Variants in IMMP2L observed in about 807,000 individuals in gnomAD.
IMMP2L encodes mitochondrial inner membrane protease subunit 2.
Under a neutral mutation model 19.3 loss-of-function variants are expected in IMMP2L, and 18 were observed. The observed-to-expected ratio is 0.93, with a 90% confidence interval of 0.64 to 1.38. The LOEUF (loss-of-function observed/expected upper bound fraction) is 1.38. IMMP2L is among the 40% of genes most tolerant of loss of function. The pLI is 0.00. For synonymous variants in IMMP2L, 76 were observed against 73.0 expected (o/e 1.04, Z -0.21); for missense variants, 233 against 218.2 (o/e 1.07, Z -0.43).
intron 3 of IMMP2L, among the ~76,000 whole-genome samples, chr7:111,262,898 A>G (rs763665226): frequency 6.6e-6 from 1 of 152,070 alleles, no homozygotes; most frequent in South Asian, 2.1e-4. Context: ...TTTGACATTA[A>G]TTAATAGAGT....
intron 3 of IMMP2L, among the ~76,000 whole-genome samples, chr7:111,109,944 A>T (rs1799004204): frequency 6.6e-6 from 1 of 152,098 alleles, no homozygotes; most frequent in Non-Finnish European, 1.5e-5. Context: ...GACCGGCCTG[A>T]TCAATATGGT....
At chr7:111,516,879 G>C (rs1018525601) in intron 2 of IMMP2L, among the ~76,000 whole-genome samples, 8 of 152,074 alleles carry the variant, frequency 5.3e-5, no homozygotes, top group Non-Finnish European at 1.0e-4. Context: ...ACCAAGGTGA[G>C]TGACGACACA....
At chr7:111,310,171 G>C (rs1823352702) in intron 3 of IMMP2L, among the ~76,000 whole-genome samples, 1 of 150,566 alleles carries the variant, frequency 6.6e-6, no homozygotes, top group African/African-American at 2.4e-5. Context: ...GGAGGTGGAG[G>C]TTGCAGTGAG....
Position 111,184,234 on chromosome 7 carries a change from G to A in IMMP2L, c.240-220669C>T, listed in dbSNP as rs182366808. 1.5e-3 allele frequency among the ~76,000 whole-genome samples: 227 copies of A among 151,844 alleles called. 1 individual carries two copies. The highest frequency in any genetic ancestry group is 0.014 in the Middle Eastern group (4 of 292). On this transcript the variant is annotated intron_variant, in intron 3 of 5. Coordinates refer to ENST00000405709, the MANE Select transcript of IMMP2L (RefSeq NM_032549.4). ...TCATAAGAATCAAAGAGAAATAGGG[G>A]GGAAAATAATGGAAATGAGTCAATA... is the stretch of plus-strand genomic sequence containing the variant.
At chr7:110,891,285 C>T (rs1236440410) in intron 4 of IMMP2L, among the ~76,000 whole-genome samples, 1 of 149,798 alleles carries the variant, frequency 6.7e-6, no homozygotes, top group East Asian at 1.9e-4. Context: ...CTAAAAGGAA[C>T]ACTTGCCTAT....
intron 5 of IMMP2L, among the ~76,000 whole-genome samples, chr7:110,872,671 G>A (rs1368829340): frequency 1.3e-5 from 2 of 152,050 alleles, no homozygotes; most frequent in Non-Finnish European, 2.9e-5. Flanking sequence ...CTTCCAGGAC[G>A]GGCACTTAAC....
At chr7:110,821,510 G>T (rs752315166) in intron 5 of IMMP2L, among the ~76,000 whole-genome samples, 1 of 152,102 alleles carries the variant, frequency 6.6e-6, no homozygotes, top group African/African-American at 2.4e-5. Context: ...TCTGAAGGAT[G>T]TTGGGTAGTT....
chr7:110,911,043 C>A (rs554208281), intron 4 of IMMP2L, among the ~76,000 whole-genome samples: 4 of 152,152 alleles, frequency 2.6e-5, no homozygotes, highest in Non-Finnish European at 5.9e-5. Flanking sequence ...ATATGTGAAG[C>A]ATATTTACAA....
intron 3 of IMMP2L, among the ~76,000 whole-genome samples, chr7:110,985,985 A>T (rs73201028): frequency 6.6e-6 from 1 of 152,272 alleles, no homozygotes; most frequent in Non-Finnish European, 1.5e-5. Context: ...AATACAAAAT[A>T]AAAGAAAATT....
At chr7:111,383,607 T>C (rs1831414505) in intron 3 of IMMP2L, among the ~76,000 whole-genome samples, 1 of 152,070 alleles carries the variant, frequency 6.6e-6, no homozygotes, top group Non-Finnish European at 1.5e-5. Context: ...TAAACAGTAC[T>C]TTATTTCCCT....
intron 4 of IMMP2L, among the ~76,000 whole-genome samples, chr7:110,893,634 A>G (rs559637649): frequency 2.0e-5 from 3 of 152,266 alleles, no homozygotes; most frequent in South Asian, 2.1e-4. Context: ...ACATGGGTAT[A>G]TTACATGATG....
At chr7:111,304,558 T>C (rs2130091106) in intron 3 of IMMP2L, among the ~76,000 whole-genome samples, 1 of 152,022 alleles carries the variant, frequency 6.6e-6, no homozygotes, top group African/African-American at 2.4e-5. Flanking sequence ...TATGTGTGTG[T>C]GTACATATGT....
intron 3 of IMMP2L, among the ~76,000 whole-genome samples, chr7:111,281,244 G>A (rs1441905087): frequency 7.8e-6 from 1 of 127,916 alleles, no homozygotes; most frequent in Non-Finnish European, 1.6e-5. Flanking sequence ...AAGAAAGAAA[G>A]AAGAGAGAGA....
intron 4 of IMMP2L, among the ~76,000 whole-genome samples, chr7:110,950,564 T>C (rs2129554107): frequency 6.6e-6 from 1 of 151,956 alleles, no homozygotes; most frequent in African/African-American, 2.4e-5. Flanking sequence ...ATCCAGCAAT[T>C]CTACTTTTGG....
intron 5 of IMMP2L, among the ~76,000 whole-genome samples, chr7:110,750,590 T>C (rs756792835): frequency 6.6e-5 from 10 of 152,110 alleles, no homozygotes; most frequent in Non-Finnish European, 1.3e-4. Flanking sequence ...ATAGCAATTA[T>C]GGTGACTCAC....
chr7:111,231,240 T>C (rs901582307), intron 3 of IMMP2L, among the ~76,000 whole-genome samples: 12 of 151,974 alleles, frequency 7.9e-5, no homozygotes, highest in Non-Finnish European at 1.8e-4. Context: ...TTTTACACCA[T>C]CATCTATTTG....
intron 5 of IMMP2L, among the ~76,000 whole-genome samples, chr7:110,688,704 T>A (rs1793284835): frequency 6.6e-6 from 1 of 152,056 alleles, no homozygotes; most frequent in African/African-American, 2.4e-5. Context: ...TGAAAAATGA[T>A]GATGTAGCTA....
intron 5 of IMMP2L, among the ~76,000 whole-genome samples, chr7:110,764,035 G>C (rs1207940558): frequency 6.6e-6 from 1 of 151,976 alleles, no homozygotes; most frequent in Non-Finnish European, 1.5e-5. Context: ...TTACTCAAAG[G>C]CTTTAATTCA....
At chr7:111,262,436 A>G (rs1029184824) in intron 3 of IMMP2L, among the ~76,000 whole-genome samples, 3 of 152,128 alleles carry the variant, frequency 2.0e-5, no homozygotes, top group African/African-American at 7.2e-5. Context: ...CAAGTACAGA[A>G]GCCCTGCAGC....
Sources: gnomAD v4.1 joint callset for allele counts (sites outside exome capture counted in the v4.1 genomes callset) on GRCh38, gnomAD v4.1.1 for gene constraint, MANE v1.5 for transcripts, NCBI Gene and HGNC (gene_info 2026-07-23, HGNC 2026-07-21) for gene names.